MACROD2: variants seen among roughly 807,000 people sequenced by gnomAD.
MACROD2 encodes the protein mono-ADP ribosylhydrolase 2.
A neutral mutation model predicts 70.4 loss-of-function variants in MACROD2; 36 were observed. The ratio of observed to expected loss-of-function variants is 0.51; its 90% CI spans 0.39 to 0.68. The LOEUF (loss-of-function observed/expected upper bound fraction) is 0.68, where lower values mean the gene tolerates loss of function less well. MACROD2 is among the 30% of genes least tolerant of loss of function. MACROD2 has a pLI of 0.00. For missense variants in MACROD2, 496 were observed against 538.4 expected (o/e 0.92, Z 0.78); for synonymous variants, 172 against 178.8 (o/e 0.96, Z 0.30).
At chr20:15,458,032 C>T (rs913788506) in intron 7 of MACROD2, among the ~76,000 whole-genome samples, 3 of 151,284 alleles carry the variant, frequency 2.0e-5, no homozygotes, top group African/African-American at 4.9e-5. Context: ...CATAGTACAT[C>T]GTAGGTATTT....
chr20:15,681,755 C>T (rs938930792), intron 8 of MACROD2, among the ~76,000 whole-genome samples: 10 of 152,088 alleles, frequency 6.6e-5, no homozygotes, highest in Non-Finnish European at 1.0e-4. Flanking sequence ...TTCATCGTGA[C>T]GACTTCTATG....
At chr20:14,596,403 T>C (rs1207622236) in intron 4 of MACROD2, among the ~76,000 whole-genome samples, 1 of 121,662 alleles carries the variant, frequency 8.2e-6, no homozygotes, top group Admixed American at 8.3e-5. Context: ...ATATATGTAA[T>C]TTTTTAAACA....
At chr20:15,635,251 A>G (rs903710187) in intron 8 of MACROD2, among the ~76,000 whole-genome samples, 10 of 152,260 alleles carry the variant, frequency 6.6e-5, no homozygotes, top group Non-Finnish European at 1.2e-4. Flanking sequence ...CTGAGTATCT[A>G]TTAAATGCCA....
chr20:14,397,314 A>G, intron 3 of MACROD2, among the ~76,000 whole-genome samples: 1 of 152,108 alleles, frequency 6.6e-6, no homozygotes. Flanking sequence ...TTTAACATAA[A>G]TATTGATATT....
intron 5 of MACROD2, among the ~76,000 whole-genome samples, chr20:14,897,266 G>A (rs768572190): frequency 1.3e-5 from 2 of 152,042 alleles, no homozygotes; most frequent in Admixed American, 1.3e-4. Flanking sequence ...CTTTGAAGGT[G>A]GGTGTCTAAT....
intron 5 of MACROD2, among the ~76,000 whole-genome samples, chr20:14,839,063 T>C (rs1288979985): frequency 3.3e-5 from 5 of 152,076 alleles, no homozygotes; most frequent in Non-Finnish European, 1.5e-5. Flanking sequence ...CGTTTAGTCA[T>C]TTCAAGGCAT....
chr20:14,671,310 T>C (rs1292264042), intron 4 of MACROD2, among the ~76,000 whole-genome samples: 1 of 152,226 alleles, frequency 6.6e-6, no homozygotes, highest in Admixed American at 6.5e-5. Context: ...TTTAACATAC[T>C]CTGGGCAGGA....
At chr20:15,080,717 A>C (rs1277894847) in intron 5 of MACROD2, among the ~76,000 whole-genome samples, 5 of 152,110 alleles carry the variant, frequency 3.3e-5, no homozygotes. Flanking sequence ...TTGCCTGGAA[A>C]TCTAATAGGC....
chr20:14,282,387 C>T (rs1680452901), intron 3 of MACROD2, among the ~76,000 whole-genome samples: 1 of 152,166 alleles, frequency 6.6e-6, no homozygotes, highest in Non-Finnish European at 1.5e-5. Context: ...AGATGACTGA[C>T]TCACGTGGCT....
intron 6 of MACROD2, among the ~76,000 whole-genome samples, chr20:15,266,070 A>G (rs548537474): frequency 6.8e-4 from 103 of 152,366 alleles, no homozygotes; most frequent in Non-Finnish European, 9.1e-4. Flanking sequence ...CAATCTTTAC[A>G]TTAAGACTTT....
chr20:15,814,599 CT>C lies in MACROD2; in HGVS notation c.646-48144del, dbSNP rs2063853981. 2.0e-5 allele frequency among the ~76,000 whole-genome samples: 3 copies of C among 152,222 alleles called. No homozygotes were observed. The South Asian group carries it at 6.2e-4, about 31-fold the overall frequency. ...AAACCATTTGAACTTATATCCTAGT[CT>C]TAACACTATGCCCCTGGTGGAACAC... On this transcript the variant is annotated intron_variant, in intron 8 of 17. Transcript: ENST00000684519.
At chr20:14,108,779 G>C (rs988824133) in intron 3 of MACROD2, among the ~76,000 whole-genome samples, 2 of 151,946 alleles carry the variant, frequency 1.3e-5, no homozygotes, top group Non-Finnish European at 2.9e-5. Context: ...ACTATTATTA[G>C]AGCTAAAGAG....
intron 5 of MACROD2, among the ~76,000 whole-genome samples, chr20:14,923,994 T>A (rs1474620327): frequency 6.6e-6 from 1 of 152,164 alleles, no homozygotes; most frequent in Non-Finnish European, 1.5e-5. Flanking sequence ...AGGTCATATA[T>A]AGACCACGAT....
chr20:14,286,403 G>A (rs954928269), intron 3 of MACROD2, among the ~76,000 whole-genome samples: 1 of 151,970 alleles, frequency 6.6e-6, no homozygotes, highest in Non-Finnish European at 1.5e-5. Context: ...ATGGGTTTTT[G>A]TTATAATAGC....
At chr20:15,058,716 T>C (rs941430605) in intron 5 of MACROD2, among the ~76,000 whole-genome samples, 3 of 152,222 alleles carry the variant, frequency 2.0e-5, no homozygotes, top group Non-Finnish European at 4.4e-5. Context: ...TTAAAAGAGC[T>C]TCGTAGAGCA....
At chr20:15,893,987 T>A (rs1203379693) in intron 10 of MACROD2, 9 of 455,368 alleles carry the variant, frequency 2.0e-5, no homozygotes, top group South Asian at 1.4e-4. Context: ...CAGGAATAGC[T>A]GGGCTCTAGG....
At chr20:15,303,145 TGC>T (rs1438999831) in intron 6 of MACROD2, among the ~76,000 whole-genome samples, 1 of 152,236 alleles carries the variant, frequency 6.6e-6, no homozygotes, top group Non-Finnish European at 1.5e-5. Flanking sequence ...TCCAAAATTC[TGC>T]AAACTAATTT....
intron 4 of MACROD2, among the ~76,000 whole-genome samples, chr20:14,652,983 G>T (rs927845776): frequency 6.6e-6 from 1 of 152,136 alleles, no homozygotes; most frequent in Non-Finnish European, 1.5e-5. Flanking sequence ...AGGATTTCCA[G>T]TCTCTGCCCC....
At chr20:15,152,008 G>A (rs1274938500) in intron 5 of MACROD2, among the ~76,000 whole-genome samples, 1 of 151,822 alleles carries the variant, frequency 6.6e-6, no homozygotes, top group Non-Finnish European at 1.5e-5. Flanking sequence ...AAAGAAGGAA[G>A]ATTTGGGATG....
Sources: gnomAD v4.1 joint callset for allele counts (sites outside exome capture counted in the v4.1 genomes callset) on GRCh38, gnomAD v4.1.1 for gene constraint, MANE v1.5 for transcripts, NCBI Gene and HGNC (gene_info 2026-07-23, HGNC 2026-07-21) for gene names.